WIPI2: variants seen among roughly 807,000 people sequenced by gnomAD.
The protein encoded by WIPI2 is WD repeat domain phosphoinositide-interacting protein 2.
Under a neutral mutation model 52.3 loss-of-function variants are expected in WIPI2, and 28 were observed. That is an observed-to-expected ratio of 0.54 (90% CI 0.40 to 0.73). The LOEUF (loss-of-function observed/expected upper bound fraction) is 0.73, where lower values mean the gene tolerates loss of function less well. WIPI2 is among the 30% of genes least tolerant of loss of function. WIPI2 has a pLI of 0.00. For synonymous variants in WIPI2, 268 were observed against 245.0 expected, an observed-to-expected ratio of 1.09 and a Z score of -0.88; for missense variants, 506 against 602.9, an observed-to-expected ratio of 0.84 and a Z score of 1.68.
intron 3 of WIPI2, among the ~76,000 whole-genome samples, chr7:5,201,484 C>T (rs950231488): frequency 1.3e-5 from 2 of 152,200 alleles, no homozygotes; most frequent in African/African-American, 4.8e-5. Context: ...TGGCTCACGC[C>T]TGTAATCCCA....
chr7:5,232,297 C>G lies in WIPI2; in HGVS notation c.*1350C>G. 1 of 398,616 alleles carries G rather than the reference C, an allele frequency of 2.5e-6. No homozygotes were observed. Among genetic ancestry groups the G allele is most frequent in the East Asian group, 3.6e-5 (1 of 28,074 alleles). The allele number at this position is 398,616 out of a possible 1,614,324, so 24.7% of individuals were successfully genotyped here. ...AGATGGTTGTCATGGTCACGCTGGGCGAAGAGCTGGAGGGGAGTTGTCCCC... is the reference window on the plus strand; with the variant it reads ...AGATGGTTGTCATGGTCACGCTGGGGGAAGAGCTGGAGGGGAGTTGTCCCC... On this transcript the variant is annotated 3_prime_UTR_variant, in exon 13 of 13. Coordinates refer to ENST00000288828, the MANE Select transcript of WIPI2 (RefSeq NM_015610.4).
At chr7:5,225,802 C>G (rs553003701) in intron 8 of WIPI2, 21 bp from the exon 9 acceptor site, 2 of 1,598,240 alleles carry the variant, frequency 1.3e-6, no homozygotes, top group East Asian at 4.5e-5. Flanking sequence ...GTGGCCCGCC[C>G]CAACCTGTGC....
intron 3 of WIPI2, among the ~76,000 whole-genome samples, chr7:5,206,148 A>G (rs997864187): frequency 6.6e-6 from 1 of 152,158 alleles, no homozygotes; most frequent in Non-Finnish European, 1.5e-5. Flanking sequence ...GCATGTACAT[A>G]AAACATTTCC....
chr7:5,215,338 TC>T (rs1782762615), intron 4 of WIPI2, among the ~76,000 whole-genome samples: 1 of 152,226 alleles, frequency 6.6e-6, no homozygotes, highest in African/African-American at 2.4e-5. Flanking sequence ...GACTTTTTTT[TC>T]CTTTTGTAAA....
chr7:5,190,349 C>T lies in WIPI2; in HGVS notation c.-71C>T, dbSNP rs973767383. On this transcript the variant is annotated 5_prime_UTR_variant, in exon 1 of 13. Transcript: ENST00000288828. ...GCGGCGAGCGGGGCCCGGCGCCGAC[C>T]CTGAGTGCAGCCTGACCCGCCCTCG... 2 of 1,125,664 alleles carry T rather than the reference C, an allele frequency of 1.8e-6. No individual in the cohort carries two copies. The highest frequency in any genetic ancestry group is 2.3e-6 in the Non-Finnish European group (2 of 886,692). The allele number at this position is 1,125,664 out of a possible 1,614,324, so 69.7% of individuals were successfully genotyped here. A position where few individuals can be genotyped will look rare whatever the true frequency, so the allele number is the denominator to read the frequency against.
At chr7:5,208,535 T>C (rs1782402435) in intron 3 of WIPI2, among the ~76,000 whole-genome samples, 1 of 152,190 alleles carries the variant, frequency 6.6e-6, no homozygotes, top group Non-Finnish European at 1.5e-5. Context: ...AAGCTTTATA[T>C]AGTTAACACT....
In WIPI2 at chr7:5,225,123, A is replaced by C. The variant is rs559460762; in HGVS notation, c.741-700A>C. On this transcript the variant is annotated intron_variant, in intron 8 of 12. Coordinates refer to ENST00000288828, the MANE Select transcript of WIPI2 (RefSeq NM_015610.4). Reference sequence around the variant, plus strand: ...ACACTGGAGCCACTTTCCCTGTTGAAAGTTTTGCTCTGTCTTTTTTTTTTT... The same window carrying C: ...ACACTGGAGCCACTTTCCCTGTTGACAGTTTTGCTCTGTCTTTTTTTTTTT... 1.1e-3 allele frequency among the ~76,000 whole-genome samples: 161 copies of C among 151,988 alleles called. 1 individual carries two copies. Among genetic ancestry groups the C allele is most frequent in the African/African-American group, 3.5e-3 (146 of 41,446 alleles).
chr7:5,215,891 A>G (rs1375157177), intron 4 of WIPI2, among the ~76,000 whole-genome samples: 75 of 152,256 alleles, frequency 4.9e-4, no homozygotes, highest in Non-Finnish European at 8.8e-5. Context: ...CTGAGTGCAC[A>G]ATAAAATGTT....
intron 2 of WIPI2, among the ~76,000 whole-genome samples, chr7:5,195,365 G>A (rs1781698006): frequency 2.0e-5 from 3 of 151,814 alleles, no homozygotes; most frequent in African/African-American, 7.3e-5. Context: ...CGCGCCTGTG[G>A]TCCCCAGCTA....
chr7:5,223,967 G>C (rs568120903), intron 8 of WIPI2, among the ~76,000 whole-genome samples: 1 of 152,356 alleles, frequency 6.6e-6, no homozygotes, highest in East Asian at 1.9e-4. Flanking sequence ...CTGGATTCCT[G>C]TCAGGCCGTT....
At position 5,223,210 on chromosome 7, in the gene WIPI2, C is replaced by G. The variant is rs548608606; in HGVS notation, c.740+538C>G. Among the ~76,000 whole-genome samples, 4 of 152,326 alleles carry G rather than the reference C, an allele frequency of 2.6e-5. 1 individual carries two copies. Among genetic ancestry groups the G allele is most frequent in the African/African-American group, 9.6e-5 (4 of 41,582 alleles). On this transcript the variant is annotated intron_variant, in intron 8 of 12. Coordinates refer to ENST00000288828, the MANE Select transcript of WIPI2 (RefSeq NM_015610.4). ...GGAGGCAGGACTGTCCCTCCCTCGTCGGACAGTAGAGCGGGGGAGGCCTCG... is the reference window on the plus strand; with the variant it reads ...GGAGGCAGGACTGTCCCTCCCTCGTGGGACAGTAGAGCGGGGGAGGCCTCG...
chr7:5,214,401 A>G (rs988326923), intron 3 of WIPI2, 134 bp from the exon 4 acceptor site: 1 of 1,607,892 alleles, frequency 6.2e-7, no homozygotes, highest in African/African-American at 1.3e-5. Context: ...CCCCATGACC[A>G]CATGTTCCGC....
At chr7:5,222,415 T>C (rs1783186502) in intron 7 of WIPI2, among the ~76,000 whole-genome samples, 187 bp from the exon 8 acceptor site, 1 of 152,206 alleles carries the variant, frequency 6.6e-6, no homozygotes, top group Non-Finnish European at 1.5e-5. Context: ...AGTGTTTTTC[T>C]ATGCTCGTGG....
At chr7:5,191,213 G>A (rs1781468442) in intron 1 of WIPI2, among the ~76,000 whole-genome samples, 1 of 152,010 alleles carries the variant, frequency 6.6e-6, no homozygotes, top group Non-Finnish European at 1.5e-5. Flanking sequence ...GTAGAGACAG[G>A]GTTTCACCAT....
intron 4 of WIPI2, chr7:5,216,277 C>G (rs759671529): frequency 1.3e-4 from 34 of 263,608 alleles, no homozygotes; most frequent in Admixed American, 2.6e-4. Context: ...ACTAAAAATA[C>G]AAAAATTAGC....
At chr7:5,210,239 A>C (rs1339101400) in intron 3 of WIPI2, among the ~76,000 whole-genome samples, 1 of 152,200 alleles carries the variant, frequency 6.6e-6, no homozygotes, top group African/African-American at 2.4e-5. Context: ...TAGTTGCCTA[A>C]GTTTTTTTCC....
chr7:5,221,099 G>T (rs1406982403), intron 7 of WIPI2, among the ~76,000 whole-genome samples: 1 of 151,950 alleles, frequency 6.6e-6, no homozygotes, highest in Non-Finnish European at 1.5e-5. Context: ...GAGTAGCTGG[G>T]ATTACAGGCA....
intron 2 of WIPI2, 145 bp downstream of exon 2, chr7:5,193,316 T>A: frequency 1.4e-6 from 2 of 1,480,002 alleles, no homozygotes; most frequent in Non-Finnish European, 1.8e-6. Context: ...AGGACTACAT[T>A]TTTCCAGTGG....
At chr7:5,210,013 T>C (rs959076463) in intron 3 of WIPI2, among the ~76,000 whole-genome samples, 7 of 152,190 alleles carry the variant, frequency 4.6e-5, no homozygotes, top group Admixed American at 1.3e-4. Flanking sequence ...GTTCAACTGA[T>C]GCTCCTGCCT....
Sources: allele counts gnomAD v4.1 joint callset (sites outside exome capture counted in the v4.1 genomes callset), GRCh38; gene constraint gnomAD v4.1.1; transcripts MANE v1.5; gene names NCBI Gene and HGNC (gene_info 2026-07-23, HGNC 2026-07-21).